ZEB2: variants seen among roughly 807,000 people sequenced by gnomAD.
ZEB2 encodes the protein zinc finger E-box binding homeobox 2.
ZEB2 carries 6 observed loss-of-function variants against 99.9 expected under a neutral mutation model. The observed-to-expected ratio is 0.06, with a 90% CI of 0.03 to 0.12. ZEB2 has a LOEUF of 0.12. Ranked by LOEUF, ZEB2 falls within the 10% of genes least tolerant of loss-of-function variation. ZEB2 has a pLI of 1.00. For missense variants in ZEB2, 969 were observed against 1,502.8 expected (o/e 0.64, Z 5.87); for synonymous variants, 517 against 542.5 (o/e 0.95, Z 0.65).
rs72858473 is a variant in ZEB2, at chr2:144,441,314, C to T, written c.74-11288G>A. Among the ~76,000 whole-genome samples, 941 of 152,142 alleles carry T rather than the reference C, an allele frequency of 6.2e-3. 6 individuals are homozygous for T. The highest frequency in any genetic ancestry group is 0.011 in the Non-Finnish European group (743 of 68,008). ...GGTAGTGGAATTTGCTGACCCTGGC[C>T]GCTTGGCGGCCTAAGCCTGGACGTG... On this transcript the variant is annotated intron_variant, in intron 2 of 9. Transcript: ENST00000627532.
intron 4 of ZEB2, among the ~76,000 whole-genome samples, chr2:144,412,567 C>G (rs1703480541): frequency 6.6e-6 from 1 of 152,176 alleles, no homozygotes; most frequent in African/African-American, 2.4e-5. Context: ...CCCATCCAAA[C>G]CTATGGAACC....
intron 1 of ZEB2, chr2:144,519,614 CT>C (rs1705233038): frequency 4.8e-6 from 1 of 209,472 alleles, no homozygotes; most frequent in Admixed American, 5.3e-5. Context: ...CCATATAATT[CT>C]CAATAAAACT....
intron 4 of ZEB2, chr2:144,424,397 A>G (rs1347178613): frequency 3.8e-6 from 2 of 521,154 alleles, no homozygotes; most frequent in African/African-American, 3.8e-5. Context: ...TTTACAGTCT[A>G]AATTACACCT....
At chr2:144,418,449 G>A (rs966690589) in intron 4 of ZEB2, among the ~76,000 whole-genome samples, 7 of 152,194 alleles carry the variant, frequency 4.6e-5, no homozygotes, top group Admixed American at 6.5e-5. Context: ...AGCACTTTGG[G>A]AGGCTGAGGC....
intron 2 of ZEB2, among the ~76,000 whole-genome samples, chr2:144,501,736 T>C (rs1560652590): frequency 1.3e-5 from 2 of 152,258 alleles, no homozygotes; most frequent in East Asian, 3.9e-4. Context: ...ACTTTATATA[T>C]TAAGTAAGAA....
chr2:144,387,433 T>C lies in ZEB2; in HGVS notation c.*2018A>G, dbSNP rs1703100343. ...ACGAATACATTCATATTCTGAATATTAGGGTCATCTTGTAAAAACTGAAAA... is the reference window on the plus strand; with the variant it reads ...ACGAATACATTCATATTCTGAATATCAGGGTCATCTTGTAAAAACTGAAAA... On this transcript the variant is annotated 3_prime_UTR_variant, in exon 10 of 10. Transcript: ENST00000627532. The C allele has an allele frequency of 6.6e-6, 1 of 152,162 alleles. No homozygotes were observed. The highest frequency in any genetic ancestry group is 6.5e-5 in the Admixed American group (1 of 15,268). The allele number at this position is 152,162 out of a possible 1,614,324, so 9.4% of individuals were successfully genotyped here.
intron 2 of ZEB2, among the ~76,000 whole-genome samples, chr2:144,514,995 G>C (rs1293706659): frequency 6.6e-6 from 1 of 152,168 alleles, no homozygotes; most frequent in East Asian, 1.9e-4. Context: ...AGGTCTCCTA[G>C]GGGTTCCCAG....
intron 2 of ZEB2, among the ~76,000 whole-genome samples, chr2:144,479,810 C>T (rs142097161): frequency 6.6e-6 from 1 of 152,004 alleles, no homozygotes; most frequent in Admixed American, 6.6e-5. Context: ...TTTCTTTTCC[C>T]ACGCTAACCC....
chr2:144,423,922 T>G (rs980447836), intron 4 of ZEB2, among the ~76,000 whole-genome samples: 7 of 152,188 alleles, frequency 4.6e-5, no homozygotes, highest in African/African-American at 9.7e-5. Flanking sequence ...TACATTTTTT[T>G]TTTGTTTTAT....
intron 8 of ZEB2, 109 bp downstream of exon 8, chr2:144,398,192 C>G: frequency 7.0e-7 from 1 of 1,435,696 alleles, no homozygotes; most frequent in Non-Finnish European, 9.5e-7. Flanking sequence ...AAAGCAAACT[C>G]TTCTGTTTCT....
intron 9 of ZEB2, 28 bp downstream of exon 9, chr2:144,396,384 C>G: frequency 3.1e-6 from 5 of 1,612,286 alleles, no homozygotes; most frequent in Non-Finnish European, 4.2e-6. Flanking sequence ...ACGGGAAGCT[C>G]TAACCAGTTA....
chr2:144,512,319 A>C lies in ZEB2; in HGVS notation c.73+4959T>G, dbSNP rs748534535. 1.2e-4 allele frequency: 158 copies of C among 1,287,120 alleles called. 1 individual carries two copies. The highest frequency in any genetic ancestry group is 9.3e-5 in the Non-Finnish European group (92 of 988,704). The allele number at this position is 1,287,120 out of a possible 1,614,324, so 79.7% of individuals were successfully genotyped here. A position where few individuals can be genotyped will look rare whatever the true frequency, so the allele number is the denominator to read the frequency against. ...AGCCTTGGAAGAATGCAGATGACAA[A>C]AACTGTTGCAAGGAAAAGAATCTCC... On this transcript the variant is annotated intron_variant, in intron 2 of 9. Coordinates refer to ENST00000627532, the MANE Select transcript of ZEB2 (RefSeq NM_014795.4).
chr2:144,481,086 A>G (rs1331564783), intron 2 of ZEB2, among the ~76,000 whole-genome samples: 1 of 152,222 alleles, frequency 6.6e-6, no homozygotes, highest in African/African-American at 2.4e-5. Context: ...AAAGGCCAGC[A>G]TTTATAGAGG....
intron 2 of ZEB2, among the ~76,000 whole-genome samples, chr2:144,492,163 A>G (rs1332003838): frequency 6.6e-6 from 1 of 152,234 alleles, no homozygotes; most frequent in Non-Finnish European, 1.5e-5. Flanking sequence ...TGATGGGAAC[A>G]AAGAAACCGT....
chr2:144,458,863 C>T (rs756619060), intron 2 of ZEB2, among the ~76,000 whole-genome samples: 9 of 152,110 alleles, frequency 5.9e-5, no homozygotes, highest in East Asian at 3.9e-4. Flanking sequence ...AGACAAAGGA[C>T]GAAGACCAGA....
intron 2 of ZEB2, chr2:144,430,812 C>G (rs1407824509): frequency 6.6e-6 from 1 of 152,418 alleles, no homozygotes; most frequent in African/African-American, 2.4e-5. Context: ...TTAAAATAGA[C>G]AGCCTGTAAA....
At chr2:144,405,862 T>C (rs931921287) in intron 4 of ZEB2, among the ~76,000 whole-genome samples, 1 of 152,254 alleles carries the variant, frequency 6.6e-6, no homozygotes, top group Non-Finnish European at 1.5e-5. Context: ...TAAGATTTTG[T>C]ATATTTGAAA....
At chr2:144,391,786 G>A (rs933271552) in intron 9 of ZEB2, among the ~76,000 whole-genome samples, 2 of 152,152 alleles carry the variant, frequency 1.3e-5, no homozygotes, top group Non-Finnish European at 2.9e-5. Context: ...GTTTCTAGTC[G>A]CAGCAATTCA....
chr2:144,489,847 C>T (rs929351342), intron 2 of ZEB2, among the ~76,000 whole-genome samples: 3 of 152,148 alleles, frequency 2.0e-5, no homozygotes, highest in South Asian at 2.1e-4. Flanking sequence ...ACAGCAAACT[C>T]GAACCATTTT....
Sources: allele counts gnomAD v4.1 joint callset (sites outside exome capture counted in the v4.1 genomes callset), GRCh38; gene constraint gnomAD v4.1.1; transcripts MANE v1.5; gene names NCBI Gene and HGNC (gene_info 2026-07-23, HGNC 2026-07-21).